Variants in CCDC197 observed in about 807,000 individuals in gnomAD.
CCDC197 encodes uncharacterized protein CCDC197.
A neutral mutation model predicts 13.4 loss-of-function variants in CCDC197; 24 were observed. The ratio of observed to expected loss-of-function variants is 1.80; its 90% CI spans 1.30 to 2.53. CCDC197 has a LOEUF of 2.53. CCDC197 is among the 30% of genes most tolerant of loss of function. The pLI, the probability that CCDC197 is intolerant of heterozygous loss-of-function variation, is 0.00. For missense variants in CCDC197, 255 were observed against 148.8 expected (o/e 1.71, Z -3.71); for synonymous variants, 99 against 55.5 (o/e 1.78, Z -3.48).
Position 93,998,028 on chromosome 14 carries a change from T to C in CCDC197, c.-104T>C. On this transcript the variant is annotated 5_prime_UTR_variant, in exon 2 of 7. Coordinates refer to ENST00000636493, the MANE Select transcript of CCDC197 (RefSeq NM_001351596.2). ...GGATGCTAACCCTGGCTTCCAAGGA[T>C]CTGAAGAGGAAGCTGCGGCTGTGAC... 1.4e-6 allele frequency: 1 copy of C among 705,732 alleles called. No individual in the cohort carries two copies. Among genetic ancestry groups the C allele is most frequent in the Non-Finnish European group, 2.6e-6 (1 of 382,582 alleles). 43.7% of individuals were successfully genotyped at this position (705,732 alleles called of 1,614,324 possible).
At chr14:94,010,188 G>A (rs1374990319), downstream of CCDC197, among the ~76,000 whole-genome samples, 1 of 119,266 alleles carries the variant, frequency 8.4e-6, no homozygotes, top group Non-Finnish European at 1.7e-5. Context: ...TATATTTTGG[G>A]GTGTTTGTTT....
At chr14:93,989,645 C>T (rs1890172333) in intron 1 of CCDC197, among the ~76,000 whole-genome samples, 1 of 152,210 alleles carries the variant, frequency 6.6e-6, no homozygotes, top group East Asian at 1.9e-4. Flanking sequence ...TCCTCATGCC[C>T]ACCTGGGTCC....
chr14:94,001,744 T>C (rs1206646194), intron 4 of CCDC197: 1 of 156,570 alleles, frequency 6.4e-6, no homozygotes, highest in Admixed American at 6.5e-5. Context: ...AGACATCATT[T>C]CCCTTCCCTT....
intron 6 of CCDC197, 38 bp from the exon 7 acceptor site, chr14:94,008,571 A>C (rs978614682): frequency 2.9e-6 from 2 of 692,378 alleles, no homozygotes; most frequent in African/African-American, 3.5e-5. Context: ...TCCAGAGGCC[A>C]AAACACTGTC....
upstream of CCDC197, among the ~76,000 whole-genome samples, chr14:93,996,424 G>A (rs1485647237): frequency 6.6e-6 from 1 of 151,898 alleles, no homozygotes; most frequent in East Asian, 1.9e-4. Flanking sequence ...GCCCAGCCCC[G>A]ACCCTGGCCC....
chr14:94,009,168 TG>T (rs984286459), downstream of CCDC197, among the ~76,000 whole-genome samples: 2 of 152,168 alleles, frequency 1.3e-5, no homozygotes, highest in African/African-American at 2.4e-5. Context: ...GCTTGGCTGT[TG>T]GGAATGTCCC....
chr14:93,991,533 A>G (rs540944806), intron 1 of CCDC197, among the ~76,000 whole-genome samples: 1 of 152,320 alleles, frequency 6.6e-6, no homozygotes. Flanking sequence ...GCATACATCT[A>G]TCGAGCGCCT....
At chr14:94,004,180 G>A (rs1180973214) in intron 5 of CCDC197, among the ~76,000 whole-genome samples, 2 of 152,174 alleles carry the variant, frequency 1.3e-5, no homozygotes, top group Non-Finnish European at 2.9e-5. Flanking sequence ...TTGGGAGTGT[G>A]GTCTGGTCAC....
chr14:94,006,804 GA>G (rs1890693215), intron 6 of CCDC197, among the ~76,000 whole-genome samples: 1 of 152,016 alleles, frequency 6.6e-6, no homozygotes, highest in Non-Finnish European at 1.5e-5. Flanking sequence ...AATTTTTATG[GA>G]ATCCAATTTG....
chr14:93,991,512 T>C (rs1890210239), intron 1 of CCDC197, among the ~76,000 whole-genome samples: 1 of 152,310 alleles, frequency 6.6e-6, no homozygotes, highest in East Asian at 1.9e-4. Context: ...TCTCCGAAGC[T>C]CTGTCTGTAT....
At chr14:93,994,492 AT>A (rs1471385497), upstream of CCDC197, among the ~76,000 whole-genome samples, 1 of 152,218 alleles carries the variant, frequency 6.6e-6, no homozygotes, top group Non-Finnish European at 1.5e-5. Context: ...ATAGGACTCA[AT>A]CCCTGGTGCT....
chr14:93,994,895 C>A (rs1173410038), upstream of CCDC197, among the ~76,000 whole-genome samples: 1 of 152,130 alleles, frequency 6.6e-6, no homozygotes, highest in Non-Finnish European at 1.5e-5. Context: ...GCTGTGGGAC[C>A]CCCTATCCAT....
At position 94,003,075 on chromosome 14, in the gene CCDC197, G is replaced by T. The variant is rs2141373516; in HGVS notation, c.367-148G>T. On this transcript the variant is annotated intron_variant, in intron 4 of 6. Transcript: ENST00000636493. The surrounding 1 kb of genome is among the most constrained non-coding windows in gnomAD (Gnocchi z 5.0). Reference sequence around the variant, plus strand: ...CATCAGCCTGGACACGCCCTTTTCTGCATCTCTGGTGCCTTGAATGGCCCC... The same window carrying T: ...CATCAGCCTGGACACGCCCTTTTCTTCATCTCTGGTGCCTTGAATGGCCCC... 5 of 566,742 alleles carry T rather than the reference G, an allele frequency of 8.8e-6. No individual in the cohort carries two copies. In the South Asian group the frequency reaches 1.1e-4, roughly 13 times the overall value. The allele number at this position is 566,742 out of a possible 1,614,324, so 35.1% of individuals were successfully genotyped here.
chr14:93,998,852 G>A (rs1167515078), intron 2 of CCDC197, among the ~76,000 whole-genome samples: 1 of 152,214 alleles, frequency 6.6e-6, no homozygotes, highest in East Asian at 1.9e-4. Flanking sequence ...AGGGCCCAGA[G>A]AAGCAGAGGG....
At chr14:93,999,464 C>T (rs941531423) in intron 2 of CCDC197, 119 bp from the exon 3 acceptor site, 13 of 681,854 alleles carry the variant, frequency 1.9e-5, no homozygotes, top group Admixed American at 6.7e-5. Context: ...TAAAGTGGTA[C>T]GTGGCCGGCC....
intron 6 of CCDC197, among the ~76,000 whole-genome samples, chr14:94,006,295 T>G (rs913383240): frequency 2.6e-5 from 4 of 152,222 alleles, no homozygotes; most frequent in African/African-American, 9.6e-5. Flanking sequence ...GCCATGTGTA[T>G]CTCTCCTTTG....
rs1276505091 is a variant in CCDC197 at position 94,003,001 on chromosome 14, G to A, written c.367-222G>A. 1.3e-5 allele frequency among the ~76,000 whole-genome samples: 2 copies of A among 152,102 alleles called. No individual in the cohort carries two copies. Among genetic ancestry groups the A allele is most frequent in the African/African-American group, 4.8e-5 (2 of 41,408 alleles). The stretch of plus-strand genomic sequence containing the variant: ...GTGGCAGGCAAGAGAACTTGTGTAG[G>A]GGAACTCCCCTTTATAAAATTATCA... On this transcript the variant is annotated intron_variant, in intron 4 of 6. Transcript: ENST00000636493. The surrounding 1 kb of genome is among the most constrained non-coding windows in gnomAD (Gnocchi z 5.0).
intron 1 of CCDC197, among the ~76,000 whole-genome samples, chr14:93,987,664 C>A (rs1206435884): frequency 6.6e-6 from 1 of 152,196 alleles, no homozygotes; most frequent in East Asian, 1.9e-4. Context: ...TGGAGGCGGG[C>A]AGCCCCAGGT....
intron 1 of CCDC197, among the ~76,000 whole-genome samples, chr14:93,990,814 G>C (rs2141339685): frequency 1.3e-5 from 2 of 152,338 alleles, no homozygotes; most frequent in East Asian, 3.9e-4. Flanking sequence ...CATGATAATA[G>C]TGACAATAGT....
Sources: gnomAD v4.1 joint callset for allele counts (sites outside exome capture counted in the v4.1 genomes callset) on GRCh38, gnomAD v4.1.1 for gene constraint, Gnocchi (gnomAD v3.1) non-coding constraint, MANE v1.5 for transcripts, NCBI Gene and HGNC (gene_info 2026-07-23, HGNC 2026-07-21) for gene names.